TSNARE1: variants seen among roughly 807,000 people sequenced by gnomAD.
TSNARE1 encodes the protein t-SNARE domain containing 1.
In TSNARE1, 49 loss-of-function variants were observed where a neutral mutation model predicts 62.0. The ratio of observed to expected loss-of-function variants is 0.79; its 90% CI spans 0.63 to 1.00. The LOEUF is 1.00. Among genes scored for constraint, TSNARE1 ranks in the 50% least tolerant of loss-of-function variants. The pLI is 0.00. For missense variants in TSNARE1, 755 were observed against 700.1 expected (o/e 1.08, Z -0.88); for synonymous variants, 328 against 294.4 (o/e 1.11, Z -1.17).
intron 2 of TSNARE1, among the ~76,000 whole-genome samples, chr8:142,352,111 G>C (rs1229337095): frequency 6.6e-6 from 1 of 152,258 alleles, no homozygotes; most frequent in Non-Finnish European, 1.5e-5. Flanking sequence ...CTCCCAGTGA[G>C]AAGCCGGCCC....
chr8:142,315,276 C>A (rs1828343750), intron 7 of TSNARE1, among the ~76,000 whole-genome samples, 184 bp from the exon 8 acceptor site: 1 of 152,316 alleles, frequency 6.6e-6, no homozygotes, highest in South Asian at 2.1e-4. Flanking sequence ...CCCAGGGACA[C>A]CATCACCACA....
chr8:142,261,649 T>A (rs1818894328), intron 12 of TSNARE1, among the ~76,000 whole-genome samples: 1 of 152,042 alleles, frequency 6.6e-6, no homozygotes. Flanking sequence ...TTGCTCCTCA[T>A]CCTGGCCACG....
chr8:142,274,156 G>T (rs929408751), intron 12 of TSNARE1: 3 of 985,432 alleles, frequency 3.0e-6, no homozygotes, highest in Non-Finnish European at 3.6e-6. Context: ...GCCCGTCAGG[G>T]CCAGTGGGGA....
At chr8:142,231,042 T>A (rs1817092114) in intron 12 of TSNARE1, among the ~76,000 whole-genome samples, 1 of 152,076 alleles carries the variant, frequency 6.6e-6, no homozygotes, top group South Asian at 2.1e-4. Context: ...CACCTATCCA[T>A]CCATCCATCC....
At position 142,278,529 on chromosome 8, in the gene TSNARE1, G is replaced by A. The variant is rs113852641; in HGVS notation, c.1364-3666C>T. The A allele has an allele frequency of 2.0e-4, 196 of 985,484 alleles. 1 individual carries two copies. The African/African-American group carries it at 2.9e-3, about 14-fold the overall frequency. The allele number at this position is 985,484 out of a possible 1,614,324, so 61.0% of individuals were successfully genotyped here. ...TGTGCCACCATATGCGGAGGACGGC[G>A]AAGGAGCTCCTGGCACGGTGTCTTG... On this transcript the variant is annotated intron_variant, in intron 11 of 13. Transcript: ENST00000524325.
intron 1 of TSNARE1, among the ~76,000 whole-genome samples, chr8:142,388,641 T>C (rs1254968444): frequency 7.9e-6 from 1 of 126,012 alleles, no homozygotes; most frequent in Non-Finnish European, 1.6e-5. Flanking sequence ...CACTGCAACC[T>C]CCACCTCGCA....
intron 10 of TSNARE1, among the ~76,000 whole-genome samples, chr8:142,296,558 C>T (rs753850363): frequency 6.6e-6 from 1 of 151,928 alleles, no homozygotes; most frequent in Non-Finnish European, 1.5e-5. Flanking sequence ...GTGGAGCCCA[C>T]TACTCCAGGC....
At chr8:142,356,914 T>C (rs954037575) in intron 1 of TSNARE1, among the ~76,000 whole-genome samples, 8 of 151,924 alleles carry the variant, frequency 5.3e-5, no homozygotes, top group Non-Finnish European at 1.2e-4. Context: ...AAGGCTGTGT[T>C]AACAGCCCCA....
chr8:142,222,776 C>CACT (rs1816446109), intron 13 of TSNARE1, among the ~76,000 whole-genome samples: 2 of 52,212 alleles, frequency 3.8e-5, no homozygotes, highest in Admixed American at 3.5e-4. Context: ...ATTCACTCAT[C>CACT]CACTCACTCA....
chr8:142,282,700 G>A (rs979887832), intron 11 of TSNARE1, among the ~76,000 whole-genome samples: 13 of 149,414 alleles, frequency 8.7e-5, no homozygotes, highest in South Asian at 2.1e-4. Flanking sequence ...CAGAGGCGGG[G>A]CCAGTGTCTG....
At chr8:142,380,890 AG>A (rs973189803) in intron 1 of TSNARE1, among the ~76,000 whole-genome samples, 33 of 151,670 alleles carry the variant, frequency 2.2e-4, no homozygotes, top group South Asian at 1.5e-3. Flanking sequence ...GAAATAATAA[AG>A]GGGGGGGAAT....
chr8:142,311,186 CGGAGTTTCGCTCTTGTTGCCCAGACT>C (rs1827521624), intron 9 of TSNARE1, among the ~76,000 whole-genome samples: 1 of 149,592 alleles, frequency 6.7e-6, no homozygotes, highest in Admixed American at 6.7e-5. Context: ...TTATTTGAGA[CGGAGTTTCGCTCTTGTTGCCCAGACT>C]GGAGTGCAAT....
intron 1 of TSNARE1, among the ~76,000 whole-genome samples, chr8:142,374,609 G>A (rs1258166049): frequency 6.6e-6 from 1 of 151,908 alleles, no homozygotes; most frequent in Non-Finnish European, 1.5e-5. Flanking sequence ...GAAACCCAGA[G>A]GCGGAGGTTG....
intron 12 of TSNARE1, among the ~76,000 whole-genome samples, chr8:142,236,950 C>G (rs996399258): frequency 1.2e-4 from 19 of 152,176 alleles, no homozygotes; most frequent in African/African-American, 4.3e-4. Context: ...TCAGCAAAGG[C>G]GTCACTGCCA....
chr8:142,317,331 G>A (rs13252083), intron 7 of TSNARE1, among the ~76,000 whole-genome samples: 21,217 of 73,142 alleles, frequency 0.29, 4,782 homozygotes, highest in African/African-American at 0.53. Flanking sequence ...CGTGTGAAGC[G>A]GGTATGGCCA....
intron 11 of TSNARE1, among the ~76,000 whole-genome samples, chr8:142,283,459 T>G (rs1237773764): frequency 2.1e-5 from 3 of 145,328 alleles, no homozygotes; most frequent in Non-Finnish European, 4.5e-5. Flanking sequence ...GCAGGGACAG[T>G]GTCAATGAAC....
At chr8:142,233,177 C>T (rs1462224510) in intron 12 of TSNARE1, among the ~76,000 whole-genome samples, 1 of 152,200 alleles carries the variant, frequency 6.6e-6, no homozygotes, top group Non-Finnish European at 1.5e-5. Flanking sequence ...AGGGACCTTC[C>T]TTAACGAGGC....
intron 1 of TSNARE1, among the ~76,000 whole-genome samples, chr8:142,376,937 A>G (rs957436920): frequency 6.6e-6 from 1 of 152,234 alleles, no homozygotes; most frequent in African/African-American, 2.4e-5. Context: ...CCCTGGGCTC[A>G]GGAAGAGAGG....
chr8:142,373,594 C>T (rs78462625), intron 1 of TSNARE1, among the ~76,000 whole-genome samples: 2,773 of 152,072 alleles, frequency 0.018, 36 homozygotes, highest in Non-Finnish European at 0.028. Context: ...AGCTGATGGA[C>T]GCTGGCCCCT....
Sources: allele counts gnomAD v4.1 joint callset (sites outside exome capture counted in the v4.1 genomes callset), GRCh38; gene constraint gnomAD v4.1.1; transcripts MANE v1.5; gene names NCBI Gene and HGNC (gene_info 2026-07-23, HGNC 2026-07-21).